Variants in MSRA observed in about 807,000 individuals in gnomAD.
MSRA encodes mitochondrial peptide methionine sulfoxide reductase.
In MSRA, 54 loss-of-function variants were observed where a neutral mutation model predicts 31.3. That is an observed-to-expected ratio of 1.73 (90% CI 1.39 to 2.17). The LOEUF (loss-of-function observed/expected upper bound fraction) is 2.17. MSRA is among the 30% of genes most tolerant of loss of function. The pLI, the probability that MSRA is intolerant of heterozygous loss-of-function variation, is 0.00. For synonymous variants in MSRA, 169 were observed against 116.5 expected (o/e 1.45, Z -2.90); for missense variants, 507 against 300.9 (o/e 1.69, Z -5.07).
chr8:10,088,442 A>T (rs778802799), intron 1 of MSRA, among the ~76,000 whole-genome samples: 1 of 152,212 alleles, frequency 6.6e-6, no homozygotes, highest in Non-Finnish European at 1.5e-5. Context: ...ATGTCTATCA[A>T]GGGAGGAACT....
intron 2 of MSRA, among the ~76,000 whole-genome samples, chr8:10,226,208 A>T (rs1478547790): frequency 6.6e-6 from 1 of 152,200 alleles, no homozygotes; most frequent in Non-Finnish European, 1.5e-5. Context: ...AGTATCTCAA[A>T]CCAGCTGTCT....
intron 3 of MSRA, among the ~76,000 whole-genome samples, chr8:10,300,667 A>C (rs1011471328): frequency 6.6e-6 from 1 of 152,184 alleles, no homozygotes; most frequent in Non-Finnish European, 1.5e-5. Flanking sequence ...GATTACAGTG[A>C]ACTGCCATGC....
chr8:10,068,995 AT>A (rs1485822414), intron 1 of MSRA, among the ~76,000 whole-genome samples: 1 of 152,192 alleles, frequency 6.6e-6, no homozygotes, highest in African/African-American at 2.4e-5. Context: ...TCTTGCACAT[AT>A]TTTATTAATA....
intron 1 of MSRA, among the ~76,000 whole-genome samples, chr8:10,060,372 A>C (rs146667325): frequency 6.6e-6 from 1 of 152,344 alleles, no homozygotes; most frequent in Non-Finnish European, 1.5e-5. Flanking sequence ...GTGTATATAT[A>C]CAGTATGCTA....
chr8:10,354,255 C>G (rs1804371680), intron 5 of MSRA, among the ~76,000 whole-genome samples: 1 of 152,140 alleles, frequency 6.6e-6, no homozygotes, highest in South Asian at 2.1e-4. Flanking sequence ...TCTTACTAAG[C>G]CATTAGTTGA....
At chr8:10,407,533 G>T (rs1807893089) in intron 5 of MSRA, among the ~76,000 whole-genome samples, 1 of 152,208 alleles carries the variant, frequency 6.6e-6, no homozygotes, top group African/African-American at 2.4e-5. Context: ...GAAATGTGTA[G>T]CCTGGAGGAG....
In MSRA at chr8:10,252,514, A is replaced by C. The variant is rs1379558699; in HGVS notation, c.331+7291A>C. On this transcript the variant is annotated intron_variant, in intron 3 of 5. Transcript: ENST00000317173. ...TCTGCGATGGCCAGTAGCAGAGCTA[A>C]GGGTGTGACAGTAAAGAGCGCCTGC... Among the ~76,000 whole-genome samples, 3 of 152,174 alleles carry C rather than the reference A, an allele frequency of 2.0e-5. No homozygotes were observed. The East Asian group carries it at 5.8e-4, about 29-fold the overall frequency.
At chr8:10,414,136 C>T (rs1808319694) in intron 5 of MSRA, among the ~76,000 whole-genome samples, 1 of 151,944 alleles carries the variant, frequency 6.6e-6, no homozygotes, top group Non-Finnish European at 1.5e-5. Context: ...CACTGCACTC[C>T]AGCCTGGGTG....
chr8:10,060,515 A>G (rs1375625099), intron 1 of MSRA, among the ~76,000 whole-genome samples: 1 of 152,144 alleles, frequency 6.6e-6, no homozygotes, highest in Non-Finnish European at 1.5e-5. Context: ...GCTTTTTTGT[A>G]ACTTGCTTCT....
At chr8:10,072,293 C>G (rs1245348735) in intron 1 of MSRA, among the ~76,000 whole-genome samples, 2 of 113,578 alleles carry the variant, frequency 1.8e-5, no homozygotes, top group South Asian at 3.5e-4. Context: ...ACACAAGACT[C>G]CCTTTCGCAA....
In MSRA at chr8:10,054,700, G is replaced by T. The variant is rs370696069; in HGVS notation, c.142+42G>T. ...CGGAAGGCGCGGGCGGCGACGCTGC[G>T]CATGCGCGCCTTTGCCCGGCGGCAG... On this transcript the variant is annotated intron_variant, in intron 1 of 5. Coordinates refer to ENST00000317173, the MANE Select transcript of MSRA (RefSeq NM_012331.5). 7 of 1,472,524 alleles carry T rather than the reference G, an allele frequency of 4.8e-6. No individual in the cohort carries two copies. In the African/African-American group the frequency reaches 1.0e-4, roughly 21 times the overall value. 91.2% of individuals were successfully genotyped at this position (1,472,524 alleles called of 1,614,324 possible). A position where few individuals can be genotyped will look rare whatever the true frequency, so the allele number is the denominator to read the frequency against.
intron 1 of MSRA, among the ~76,000 whole-genome samples, chr8:10,063,732 G>A (rs1012922300): frequency 6.6e-6 from 1 of 152,158 alleles, no homozygotes; most frequent in Admixed American, 6.5e-5. Context: ...CAGAATTTGG[G>A]CTCTCACCAG....
At chr8:10,301,977 A>G (rs1800874335) in intron 4 of MSRA, among the ~76,000 whole-genome samples, 1 of 152,210 alleles carries the variant, frequency 6.6e-6, no homozygotes, top group South Asian at 2.1e-4. Context: ...GTGTCTTTCC[A>G]GCAGCTCCAA....
At chr8:10,280,653 C>CA (rs950901094) in intron 3 of MSRA, among the ~76,000 whole-genome samples, 39 of 152,276 alleles carry the variant, frequency 2.6e-4, no homozygotes, top group African/African-American at 7.2e-4. Context: ...TATGACTCAG[C>CA]AATTCTACTC....
intron 3 of MSRA, among the ~76,000 whole-genome samples, chr8:10,268,444 A>T (rs567218774): frequency 1.1e-4 from 17 of 152,078 alleles, no homozygotes; most frequent in African/African-American, 4.1e-4. Flanking sequence ...CTGAACTTCT[A>T]CTCCCGAGGT....
At chr8:10,425,806 G>A (rs1281984787) in intron 5 of MSRA, among the ~76,000 whole-genome samples, 1 of 152,252 alleles carries the variant, frequency 6.6e-6, no homozygotes, top group African/African-American at 2.4e-5. Context: ...CACTGGCGTT[G>A]TGAACCCGGA....
intron 1 of MSRA, among the ~76,000 whole-genome samples, chr8:10,173,028 G>T (rs1423455373): frequency 6.6e-6 from 1 of 152,240 alleles, no homozygotes; most frequent in African/African-American, 2.4e-5. Flanking sequence ...ATTCTAGGTG[G>T]AGAGAAAGAG....
chr8:10,409,483 G>C (rs1011138498), intron 5 of MSRA, among the ~76,000 whole-genome samples: 1 of 152,154 alleles, frequency 6.6e-6, no homozygotes, highest in Non-Finnish European at 1.5e-5. Context: ...GAGAACCATG[G>C]CTCCAGAGTC....
intron 5 of MSRA, among the ~76,000 whole-genome samples, chr8:10,425,193 A>C (rs1809067039): frequency 1.3e-5 from 2 of 152,040 alleles, no homozygotes; most frequent in African/African-American, 4.8e-5. Flanking sequence ...CTGCAGATTG[A>C]CGCCACGCTC....
Sources: gnomAD v4.1 joint callset for allele counts (sites outside exome capture counted in the v4.1 genomes callset) on GRCh38, gnomAD v4.1.1 for gene constraint, MANE v1.5 for transcripts, NCBI Gene and HGNC (gene_info 2026-07-23, HGNC 2026-07-21) for gene names.